The following CDKL3 variants were observed in gnomAD, a reference collection of about 807,000 sequenced individuals.
CDKL3 encodes the protein cyclin-dependent kinase-like 3.
In CDKL3, 65 loss-of-function variants were observed where a neutral mutation model predicts 69.3. That is an observed-to-expected ratio of 0.94 (90% confidence interval 0.77 to 1.15). The LOEUF (loss-of-function observed/expected upper bound fraction) is 1.15. CDKL3 is among the 50% of genes most tolerant of loss of function. The pLI is 0.00. For synonymous variants in CDKL3, 202 were observed against 221.6 expected, an observed-to-expected ratio of 0.91 and a Z score of 0.79; for missense variants, 652 against 689.2, an observed-to-expected ratio of 0.95 and a Z score of 0.61.
intron 11 of CDKL3, among the ~76,000 whole-genome samples, chr5:134,303,582 G>C (rs921723326): frequency 5.3e-5 from 8 of 151,726 alleles, no homozygotes; most frequent in Non-Finnish European, 1.2e-4. Context: ...AATGGCTCAC[G>C]CCTGTAATCC....
chr5:134,337,686 T>C (rs1304675897), intron 4 of CDKL3, among the ~76,000 whole-genome samples: 1 of 152,178 alleles, frequency 6.6e-6, no homozygotes, highest in Non-Finnish European at 1.5e-5. Context: ...TGTTTCTACA[T>C]TAACATTTTA....
At chr5:134,296,952 C>CT (rs111349325), downstream of CDKL3, among the ~76,000 whole-genome samples, 17,912 of 131,254 alleles carry the variant, frequency 0.14, 1,520 homozygotes, top group African/African-American at 0.2. Context: ...CTTTTCTTTT[C>CT]TTTTTTTTTT....
At chr5:134,295,532 G>T (rs1214645573), downstream of CDKL3, among the ~76,000 whole-genome samples, 1 of 152,174 alleles carries the variant, frequency 6.6e-6, no homozygotes, top group Non-Finnish European at 1.5e-5. Flanking sequence ...CCCTAGAGGA[G>T]CAATTACTTT....
rs1766627462 is a variant in CDKL3, at chr5:134,302,631, G to A, written c.1678C>T (p.Pro560Ser). ...TTTTGATCCACGTTAAGTAAAGTTGGTATCTTAGATGACTCTGTTTTCTTT... is the reference window on the plus strand; with the variant it reads ...TTTTGATCCACGTTAAGTAAAGTTGATATCTTAGATGACTCTGTTTTCTTT... Reference protein sequence around the residue: ...ESKKTESSKIPTLLNVDQNQE... With the variant: ...ESKKTESSKISTLLNVDQNQE... Residue 560 changes from proline to serine, a missense_variant, in exon 12 of 13, where the codon CCA becomes TCA. Pro to Ser is a moderately conservative substitution (Grantham distance 74, BLOSUM62 -1). Transcript: ENST00000265334. 6.2e-7 allele frequency: 1 copy of A among 1,602,438 alleles called. No individual in the cohort carries two copies. The highest frequency in any genetic ancestry group is 8.5e-7 in the Non-Finnish European group (1 of 1,174,096).
chr5:134,299,853 G>T, intron 12 of CDKL3: 1 of 701,748 alleles, frequency 1.4e-6, no homozygotes, highest in Non-Finnish European at 2.4e-6. Context: ...CCTATGGGTT[G>T]TTTCATAAGG....
Position 134,299,486 on chromosome 5 carries a change from A to G in CDKL3, c.1720-776T>C, listed in dbSNP as rs112465527. The G allele has an allele frequency of 2.7e-3, 3,342 of 1,222,568 alleles. 34 individuals are homozygous for G. The African/African-American group carries it at 0.031, about 12-fold the overall frequency. The allele number at this position is 1,222,568 out of a possible 1,614,324, so 75.7% of individuals were successfully genotyped here. A position where few individuals can be genotyped will look rare whatever the true frequency, so the allele number is the denominator to read the frequency against. ...TGTACCAGTCAGGTAGTTTTTATAA[A>G]TTCATGTTCAAATTAAGAAAACATG... On this transcript the variant is annotated intron_variant, in intron 12 of 12. Coordinates refer to ENST00000265334, the MANE Select transcript of CDKL3 (RefSeq NM_001113575.2).
chr5:134,326,872 C>T (rs1208540197), intron 4 of CDKL3, among the ~76,000 whole-genome samples: 2 of 140,086 alleles, frequency 1.4e-5, no homozygotes, highest in African/African-American at 5.4e-5. Context: ...TATATACACA[C>T]ACACACATAG....
At chr5:134,371,118 C>G, upstream of CDKL3, 1 of 234,224 alleles carries the variant, frequency 4.3e-6, no homozygotes. Context: ...GACAAGGCCG[C>G]GGGCAGTCAC....
intron 6 of CDKL3, among the ~76,000 whole-genome samples, chr5:134,313,693 C>T (rs984291311): frequency 4.0e-5 from 6 of 151,672 alleles, no homozygotes; most frequent in Non-Finnish European, 5.9e-5. Context: ...GTTAAAAATG[C>T]CATACTGTAC....
At position 134,359,986 on chromosome 5, in the gene CDKL3, G is replaced by GT; in HGVS notation, c.270dup (p.Gln91ThrfsTer10). 6.4e-7 allele frequency: 1 copy of GT among 1,572,358 alleles called. No homozygotes were observed. Among genetic ancestry groups the GT allele is most frequent in the Non-Finnish European group, 8.6e-7 (1 of 1,156,610 alleles). On this transcript the variant is annotated frameshift_variant, in exon 3 of 13. Transcript: ENST00000265334. LOFTEE classifies it high-confidence loss of function. ...CTCTCTAGTCCATGACAATAATGTT[G>GT]TAACTCATCTAATACTGTGTGGTCA...
chr5:134,284,083 T>C (rs1232510206), downstream of CDKL3, among the ~76,000 whole-genome samples: 1 of 152,180 alleles, frequency 6.6e-6, no homozygotes, highest in Non-Finnish European at 1.5e-5. Context: ...ACAGCCTCCC[T>C]CCTGGCTGCT....
chr5:134,284,186 C>A (rs993276411), downstream of CDKL3, among the ~76,000 whole-genome samples: 1 of 152,110 alleles, frequency 6.6e-6, no homozygotes, highest in Non-Finnish European at 1.5e-5. Flanking sequence ...AATATTTCAA[C>A]GTAGGTTCTT....
intron 4 of CDKL3, among the ~76,000 whole-genome samples, chr5:134,329,500 G>C (rs1465516197): frequency 6.6e-6 from 1 of 151,264 alleles, no homozygotes; most frequent in Non-Finnish European, 1.5e-5. Flanking sequence ...TTGAGACAGA[G>C]TCTCGCTCTG....
At position 134,299,437 on chromosome 5, in the gene CDKL3, A is replaced by G; in HGVS notation, c.1720-727T>C. On this transcript the variant is annotated intron_variant, in intron 12 of 12. Transcript: ENST00000265334. The stretch of plus-strand genomic sequence containing the variant: ...TGATCAAATAAAATTATATGACTAA[A>G]TGTAAGCTGCAATTTTATTAGGATG... 3 of 1,081,260 alleles carry G rather than the reference A, an allele frequency of 2.8e-6. No homozygotes were observed. In the South Asian group the frequency reaches 8.5e-5, roughly 31 times the overall value. 67.0% of individuals were successfully genotyped at this position (1,081,260 alleles called of 1,614,324 possible). A position where few individuals can be genotyped will look rare whatever the true frequency, so the allele number is the denominator to read the frequency against.
chr5:134,362,446 G>A (rs907041702), intron 2 of CDKL3, among the ~76,000 whole-genome samples: 1 of 152,166 alleles, frequency 6.6e-6, no homozygotes, highest in African/African-American at 2.4e-5. Context: ...TTGAACCCGG[G>A]AGGCCGAGGT....
In CDKL3 at chr5:134,302,682, GT is replaced by G; in HGVS notation, c.1626del (p.Lys542AsnfsTer3). On this transcript the variant is annotated frameshift_variant, in exon 12 of 13. Transcript: ENST00000265334. LOFTEE classifies it high-confidence loss of function. Reference sequence around the variant, plus strand: ...GACTCCCTCTTCAGCATTTTTATCTGTTTAACTTTTGCAAAAATATACAAAA... The same window carrying G: ...GACTCCCTCTTCAGCATTTTTATCTGTTAACTTTTGCAAAAATATACAAAA... ...QSKDTKGMEV[K>X]QIKMLKRESK... is the part of the protein sequence containing the mutation. The G allele has an allele frequency of 6.4e-7, 1 of 1,564,474 alleles. No individual in the cohort carries two copies. Among genetic ancestry groups the G allele is most frequent in the Non-Finnish European group, 8.7e-7 (1 of 1,151,634 alleles).
At position 134,308,313 on chromosome 5, in the gene CDKL3, C is replaced by T; in HGVS notation, c.1189G>A (p.Asp397Asn). 1 of 1,613,968 alleles carries T rather than the reference C, an allele frequency of 6.2e-7. No homozygotes were observed. The highest frequency in any genetic ancestry group is 8.5e-7 in the Non-Finnish European group (1 of 1,179,860). Residue 397 changes from aspartate (D) to asparagine (N), a missense_variant, in exon 9 of 13, where the codon GAT (aspartate) becomes AAT (asparagine). Physicochemically the swap from Asp to Asn is conservative, Grantham distance 23. Coordinates refer to ENST00000265334, the MANE Select transcript of CDKL3 (RefSeq NM_001113575.2). ...GGTTCAATGGTTACAAGTTTTGTAT[C>T]TGGAGACATAGGATGAACATTTTCA... The part of the protein sequence containing the change: ...ANENVHPMSP[D>N]TKLVTIEPPN...
At chr5:134,317,525 A>C (rs1771472324) in intron 6 of CDKL3, among the ~76,000 whole-genome samples, 1 of 152,172 alleles carries the variant, frequency 6.6e-6, no homozygotes, top group Admixed American at 6.5e-5. Context: ...TTCAGAGGCC[A>C]AGGAGGAAGG....
chr5:134,327,503 G>C (rs1774690085), intron 4 of CDKL3, among the ~76,000 whole-genome samples: 1 of 152,202 alleles, frequency 6.6e-6, no homozygotes, highest in African/African-American at 2.4e-5. Context: ...TTGCAACAGA[G>C]TGTAGAGAAG....
Sources: gnomAD v4.1 joint callset for allele counts (sites outside exome capture counted in the v4.1 genomes callset) on GRCh38, gnomAD v4.1.1 for gene constraint, MANE v1.5 for transcripts, NCBI Gene and HGNC (gene_info 2026-07-23, HGNC 2026-07-21) for gene names.